SGPP2: variants seen among roughly 807,000 people sequenced by gnomAD.
SGPP2 encodes the protein sphingosine 1-phosphate phosphohydrolase 2.
SGPP2 carries 30 observed loss-of-function variants against 33.9 expected under a neutral mutation model. The ratio of observed to expected loss-of-function variants is 0.89; its 90% CI spans 0.66 to 1.20. The LOEUF (loss-of-function observed/expected upper bound fraction) is 1.20. Among genes scored for constraint, SGPP2 ranks in the 50% most tolerant of loss-of-function variants. The pLI, the probability that SGPP2 is intolerant of heterozygous loss-of-function variation, is 0.00. For missense variants in SGPP2, 458 were observed against 532.1 expected, an observed-to-expected ratio of 0.86 and a Z score of 1.37; for synonymous variants, 233 against 225.0, an observed-to-expected ratio of 1.04 and a Z score of -0.32.
At position 222,558,999 on chromosome 2, in the gene SGPP2, C is replaced by G; in HGVS notation, c.*101C>G. 2.5e-6 allele frequency: 3 copies of G among 1,177,970 alleles called. No individual in the cohort carries two copies. The highest frequency in any genetic ancestry group is 3.6e-6 in the Non-Finnish European group (3 of 835,758). The allele number at this position is 1,177,970 out of a possible 1,614,324, so 73.0% of individuals were successfully genotyped here. A position where few individuals can be genotyped will look rare whatever the true frequency, so the allele number is the denominator to read the frequency against. ...ACAACTTATTTTTCTTTAACAACAA[C>G]AAAAAGTCATACGGCTGTCTTGCTA... On this transcript the variant is annotated 3_prime_UTR_variant, in exon 5 of 5. Coordinates refer to ENST00000321276, the MANE Select transcript of SGPP2 (RefSeq NM_152386.4).
At chr2:222,454,695 T>C (rs1697544717) in intron 1 of SGPP2, among the ~76,000 whole-genome samples, 1 of 149,270 alleles carries the variant, frequency 6.7e-6, no homozygotes. Flanking sequence ...CATTCCCTTC[T>C]GTGAAAATGA....
chr2:222,470,839 G>A (rs903703444), intron 1 of SGPP2, among the ~76,000 whole-genome samples: 6 of 152,158 alleles, frequency 3.9e-5, no homozygotes, highest in African/African-American at 1.2e-4. Context: ...TCTTTATAGG[G>A]TGTGCCTCAA....
intron 1 of SGPP2, among the ~76,000 whole-genome samples, chr2:222,438,467 C>A (rs961530351): frequency 2.0e-5 from 3 of 152,308 alleles, no homozygotes; most frequent in Non-Finnish European, 4.4e-5. Context: ...AGTTGATATA[C>A]CCCTGAGGTA....
At chr2:222,459,142 C>CTTTTT (rs1164145783) in intron 1 of SGPP2, among the ~76,000 whole-genome samples, 237 of 94,446 alleles carry the variant, frequency 2.5e-3, no homozygotes, top group Non-Finnish European at 2.9e-3. Context: ...TTCTTTCTTT[C>CTTTTT]TTTTTTTTTT....
At chr2:222,440,028 C>T (rs1697301062) in intron 1 of SGPP2, among the ~76,000 whole-genome samples, 1 of 152,174 alleles carries the variant, frequency 6.6e-6, no homozygotes, top group African/African-American at 2.4e-5. Context: ...ATAATTATTT[C>T]AAAATAAAGT....
At position 222,560,885 on chromosome 2, in the gene SGPP2, AC is replaced by A. The variant is rs1689524502; in HGVS notation, c.*1989del. ...CACTTTGGGAGGCCGAGGTGGGCGG[AC>A]CACGAGGTCAGGAGATCGAGACCAT... On this transcript the variant is annotated 3_prime_UTR_variant, in exon 5 of 5. Transcript: ENST00000321276. 1 of 152,178 alleles carries A rather than the reference AC, an allele frequency of 6.6e-6. No individual in the cohort carries two copies. The highest frequency in any genetic ancestry group is 6.5e-5 in the Admixed American group (1 of 15,268). The allele number at this position is 152,178 out of a possible 1,614,324, so 9.4% of individuals were successfully genotyped here. A position where few individuals can be genotyped will look rare whatever the true frequency, so the allele number is the denominator to read the frequency against.
At chr2:222,473,924 C>CAAAAAAAAAAAAAAA (rs59649395) in intron 1 of SGPP2, among the ~76,000 whole-genome samples, 1 of 127,412 alleles carries the variant, frequency 7.8e-6, no homozygotes, top group South Asian at 2.5e-4. Context: ...AACTCTGTCT[C>CAAAAAAAAAAAAAAA]AAAAAAAAAA....
chr2:222,492,557 A>G (rs916047751), intron 2 of SGPP2, among the ~76,000 whole-genome samples: 1 of 152,188 alleles, frequency 6.6e-6, no homozygotes, highest in African/African-American at 2.4e-5. Flanking sequence ...CTGCCCACTA[A>G]ACCGCTTTTT....
chr2:222,427,721 G>C (rs1476939071), intron 1 of SGPP2, among the ~76,000 whole-genome samples: 1 of 152,146 alleles, frequency 6.6e-6, no homozygotes, highest in Non-Finnish European at 1.5e-5. Flanking sequence ...AGTGACTTTA[G>C]ATCTTAATGA....
intron 4 of SGPP2, among the ~76,000 whole-genome samples, chr2:222,529,150 C>T (rs1698802395): frequency 6.6e-6 from 1 of 152,090 alleles, no homozygotes. Flanking sequence ...ATATTCTGTC[C>T]TTTCTTGTCA....
intron 2 of SGPP2, among the ~76,000 whole-genome samples, chr2:222,516,540 G>T (rs759940560): frequency 3.3e-5 from 5 of 152,204 alleles, no homozygotes; most frequent in Non-Finnish European, 7.3e-5. Flanking sequence ...AAATACCTAA[G>T]AGTGGGATGG....
intron 2 of SGPP2, among the ~76,000 whole-genome samples, chr2:222,510,866 A>G (rs546654568): frequency 1.3e-5 from 2 of 152,330 alleles, no homozygotes; most frequent in Admixed American, 1.3e-4. Flanking sequence ...CAGAGAGAAA[A>G]GTTTGAAGGC....
At chr2:222,426,582 C>T (rs971399738) in intron 1 of SGPP2, among the ~76,000 whole-genome samples, 17 of 152,104 alleles carry the variant, frequency 1.1e-4, no homozygotes, top group Non-Finnish European at 4.4e-5. Context: ...GAAATTGTGG[C>T]GGTTTCCCCA....
chr2:222,550,488 C>A lies in SGPP2; in HGVS notation c.649-7859C>A, dbSNP rs1158544056. 6.6e-6 allele frequency among the ~76,000 whole-genome samples: 1 copy of A among 152,092 alleles called. No individual in the cohort carries two copies. The highest frequency in any genetic ancestry group is 1.9e-4 in the East Asian group (1 of 5,194). On this transcript the variant is annotated intron_variant, in intron 4 of 4. Coordinates refer to ENST00000321276, the MANE Select transcript of SGPP2 (RefSeq NM_152386.4). The surrounding 1 kb of genome is among the most constrained non-coding windows in gnomAD (Gnocchi z 4.5). ...TTACTCTTAACATTTTTATTTCCTT[C>A]TGACATTTTATCCATGCTTACAAGT...
chr2:222,450,846 A>G lies in SGPP2; in HGVS notation c.220-23722A>G, dbSNP rs375127390. The stretch of plus-strand genomic sequence containing the variant: ...TCTCACTGGCTTTCCCATGCATCCT[A>G]GAACTCGAACTCTGATGAAAGCATT... On this transcript the variant is annotated intron_variant, in intron 1 of 4. Coordinates refer to ENST00000321276, the MANE Select transcript of SGPP2 (RefSeq NM_152386.4). Among the ~76,000 whole-genome samples, 126 of 152,204 alleles carry G rather than the reference A, an allele frequency of 8.3e-4. 1 individual carries two copies. Among genetic ancestry groups the G allele is most frequent in the African/African-American group, 2.8e-3 (116 of 41,458 alleles).
chr2:222,557,321 A>G (rs1490362326), intron 4 of SGPP2, among the ~76,000 whole-genome samples: 1 of 152,212 alleles, frequency 6.6e-6, no homozygotes, highest in African/African-American at 2.4e-5. Flanking sequence ...ATACTTGACC[A>G]CTGTATGAAG....
intron 1 of SGPP2, among the ~76,000 whole-genome samples, chr2:222,469,687 A>G (rs1257202653): frequency 1.3e-5 from 2 of 152,176 alleles, no homozygotes; most frequent in Non-Finnish European, 2.9e-5. Context: ...AATTGTTCCC[A>G]GTAGGAACAA....
chr2:222,485,949 T>G (rs1417137671), intron 2 of SGPP2, among the ~76,000 whole-genome samples: 4 of 152,266 alleles, frequency 2.6e-5, no homozygotes. Context: ...AAATGCAGTC[T>G]TTAACTTAAC....
At chr2:222,449,047 G>A (rs1317096292) in intron 1 of SGPP2, among the ~76,000 whole-genome samples, 1 of 152,214 alleles carries the variant, frequency 6.6e-6, no homozygotes, top group African/African-American at 2.4e-5. Context: ...ATTAGGACTG[G>A]ATTACAGAGA....
Sources: gnomAD v4.1 joint callset for allele counts (sites outside exome capture counted in the v4.1 genomes callset) on GRCh38, gnomAD v4.1.1 for gene constraint, Gnocchi (gnomAD v3.1) non-coding constraint, MANE v1.5 for transcripts, NCBI Gene and HGNC (gene_info 2026-07-23, HGNC 2026-07-21) for gene names.